The following OTOF variants were observed in gnomAD, a reference collection of about 807,000 sequenced individuals.
The protein encoded by OTOF is otoferlin.
A neutral mutation model predicts 236.8 loss-of-function variants in OTOF; 218 were observed. The observed-to-expected ratio is 0.92, with a 90% CI of 0.82 to 1.03. The LOEUF (loss-of-function observed/expected upper bound fraction) is 1.03. Among genes scored for constraint, OTOF ranks in the 50% least tolerant of loss-of-function variants. The pLI is 0.00. For synonymous variants in OTOF, 1,041 were observed against 1,072.5 expected, an observed-to-expected ratio of 0.97 and a Z score of 0.57; for missense variants, 2,590 against 2,694.4, an observed-to-expected ratio of 0.96 and a Z score of 0.86.
chr2:26,467,540 CA>C (rs1207039010), intron 33 of OTOF, 39 bp from the exon 34 acceptor site: 1 of 1,604,888 alleles, frequency 6.2e-7, no homozygotes, highest in South Asian at 1.1e-5. Context: ...CAGAAATGAG[CA>C]GAGCAGGAAG....
intron 6 of OTOF, 27 bp from the exon 7 acceptor site, chr2:26,502,453 T>G: frequency 6.2e-7 from 1 of 1,607,294 alleles, no homozygotes; most frequent in Non-Finnish European, 8.5e-7. Flanking sequence ...ACTGGTTAGG[T>G]GGGCTGACTG....
chr2:26,488,784 G>T (rs1461714953), intron 11 of OTOF, among the ~76,000 whole-genome samples: 3 of 152,320 alleles, frequency 2.0e-5, no homozygotes, highest in Non-Finnish European at 2.9e-5. Flanking sequence ...GTGGAAAGGG[G>T]TTCTTTTCTG....
intron 12 of OTOF, 64 bp from the exon 13 acceptor site, chr2:26,483,712 T>G: frequency 6.9e-7 from 1 of 1,438,938 alleles, no homozygotes; most frequent in Non-Finnish European, 9.7e-7. Flanking sequence ...CATCCTGGCA[T>G]CTACACACTC....
Position 26,463,492 on chromosome 2 carries a change from T to G in OTOF, c.5183A>C (p.Lys1728Thr). 6.2e-7 allele frequency: 1 copy of G among 1,603,866 alleles called. No homozygotes were observed. The part of the protein sequence containing the change: ...PGTPLDISPR[K>T]PKKYELRVII... ...GCCCCAGGCCGCTCACTTCTTGGGCTTCCGAGGTGAGATGTCCAGAGGCGT... is the reference window on the plus strand; with the variant it reads ...GCCCCAGGCCGCTCACTTCTTGGGCGTCCGAGGTGAGATGTCCAGAGGCGT... The change falls in exon 41 of 47, where the codon AAG becomes ACG. Residue 1728 changes from lysine to threonine, a missense_variant. Around this residue, in one of 2 missense-constraint regions of OTOF, gnomAD observed 1,211 missense variants for 1,352.8 expected, o/e 0.90. Transcript: ENST00000272371.
At chr2:26,494,860 C>G in intron 9 of OTOF, 82 bp downstream of exon 9, 1 of 1,542,856 alleles carries the variant, frequency 6.5e-7, no homozygotes, top group Admixed American at 1.7e-5. Context: ...TGACTTCCAG[C>G]CACTCCTATT....
intron 13 of OTOF, among the ~76,000 whole-genome samples, chr2:26,483,101 A>G (rs1169767182): frequency 8.3e-6 from 1 of 121,116 alleles, no homozygotes; most frequent in African/African-American, 3.2e-5. Context: ...GTGTGTGTGT[A>G]TTCGTGGGTG....
intron 2 of OTOF, among the ~76,000 whole-genome samples, chr2:26,537,421 AC>A (rs1667097488): frequency 6.6e-6 from 1 of 152,104 alleles, no homozygotes; most frequent in African/African-American, 2.4e-5. Flanking sequence ...CTCTTTCTCC[AC>A]AGGGAATAAC....
At chr2:26,489,584 T>C in intron 10 of OTOF, 94 bp downstream of exon 10, 1 of 1,060,880 alleles carries the variant, frequency 9.4e-7, no homozygotes. Flanking sequence ...TGCCTCTTTA[T>C]CATGGGTCTA....
Position 26,527,845 on chromosome 2 carries a change from C to G in OTOF, c.214G>C (p.Val72Leu). ...TCCCACACTTACTTGTTGCTGAAGA[C>G]TTTGCTGTAGTTGAAAACCTGAATC... ...LEIQVFNYSK[V>L]FSNKLIGTFR... The change falls in exon 3 of 47, where the codon GTC becomes CTC. Residue 72 changes from valine to leucine, a missense_variant. By Grantham distance (32) the Val-to-Leu change is conservative (BLOSUM62 1). Around this residue, in one of 2 missense-constraint regions of OTOF, gnomAD observed 1,379 missense variants for 1,341.6 expected, o/e 1.03. Coordinates refer to ENST00000272371, the MANE Select transcript of OTOF (RefSeq NM_194248.3). 2 of 1,613,322 alleles carry G rather than the reference C, an allele frequency of 1.2e-6. No individual in the cohort carries two copies. Among genetic ancestry groups the G allele is most frequent in the Non-Finnish European group, 1.7e-6 (2 of 1,179,248 alleles).
chr2:26,525,680 TGGATGGAAGAATGAAA>T lies in OTOF; in HGVS notation c.227+2136_227+2151del. 2.0e-5 allele frequency among the ~76,000 whole-genome samples: 3 copies of T among 152,094 alleles called. No homozygotes were observed. The South Asian group carries it at 6.2e-4, about 32-fold the overall frequency. ...GTGAAAAGATGGATGGATGGATGAA[TGGATGGAAGAATGAAA>T]GGATGGATGAATGGATGGAAGGAAG... On this transcript the variant is annotated intron_variant, in intron 3 of 46. Transcript: ENST00000272371.
At chr2:26,515,383 C>T (rs1007418165) in intron 5 of OTOF, among the ~76,000 whole-genome samples, 8 of 151,652 alleles carry the variant, frequency 5.3e-5, no homozygotes, top group African/African-American at 1.9e-4. Flanking sequence ...ACTCATCTGG[C>T]TCCCAGGGTT....
At chr2:26,489,099 C>T (rs1665770355) in intron 11 of OTOF, 112 bp downstream of exon 11, 5 of 777,528 alleles carry the variant, frequency 6.4e-6, no homozygotes, top group Non-Finnish European at 1.1e-5. Flanking sequence ...AGTCGCCAGA[C>T]TGTGGTCCTT....
Position 26,499,294 on chromosome 2 carries a change from G to A in OTOF, c.765+2460C>T, listed in dbSNP as rs369699778. Among the ~76,000 whole-genome samples, 232 of 152,172 alleles carry A rather than the reference G, an allele frequency of 1.5e-3. 1 individual carries two copies. Among genetic ancestry groups the A allele is most frequent in the Non-Finnish European group, 2.3e-3 (159 of 67,994 alleles). Reference sequence around the variant, plus strand: ...TGGAAGAAACAAAGAGCATGGGTACGCCGCGGTCCTTTTACCTCCAGGCTT... The same window carrying A: ...TGGAAGAAACAAAGAGCATGGGTACACCGCGGTCCTTTTACCTCCAGGCTT... On this transcript the variant is annotated intron_variant, in intron 8 of 46. Transcript: ENST00000272371.
At chr2:26,516,687 G>A in intron 4 of OTOF, 88 bp from the exon 5 acceptor site, 2 of 1,384,248 alleles carry the variant, frequency 1.4e-6, no homozygotes, top group Middle Eastern at 2.0e-4. Flanking sequence ...TGTTTACACA[G>A]CGCTTCCACA....
At chr2:26,552,091 TA>T (rs70950198) in intron 1 of OTOF, among the ~76,000 whole-genome samples, 3,825 of 141,160 alleles carry the variant, frequency 0.027, 166 homozygotes, top group African/African-American at 0.089. Context: ...TATAAAAAGT[TA>T]AAAAAAAAAA....
chr2:26,514,593 T>G (rs1317663235), intron 5 of OTOF, among the ~76,000 whole-genome samples: 1 of 152,218 alleles, frequency 6.6e-6, no homozygotes, highest in Admixed American at 6.5e-5. Flanking sequence ...CCCATGGATG[T>G]GACCCACAGG....
rs1665335178 is a variant in OTOF, at chr2:26,477,017, G to A, written c.2550C>T (p.Phe850=). 1 of 1,587,728 alleles carries A rather than the reference G, an allele frequency of 6.3e-7. No individual in the cohort carries two copies. Among genetic ancestry groups the A allele is most frequent in the East Asian group, 2.3e-5 (1 of 44,432 alleles). ...DEPQHSIPDI[F]IWMMSNNKRV... is the part of the protein sequence containing the mutation. ...GCTTGTTGTTGCTCATCATCCAGAT[G>A]AAGATGTCGGGAATGCTGTGCTGGG... Residue 850 remains phenylalanine (F), a synonymous_variant, in exon 22 of 47, where the codon TTC becomes TTT. Transcript: ENST00000272371. The surrounding 1 kb of genome is among the most constrained non-coding windows in gnomAD (Gnocchi z 4.7).
chr2:26,502,889 A>C (rs1481669537), intron 6 of OTOF, among the ~76,000 whole-genome samples: 2 of 152,222 alleles, frequency 1.3e-5, no homozygotes, highest in African/African-American at 4.8e-5. Flanking sequence ...AGGCTTAGGA[A>C]GTAACTTATC....
chr2:26,489,236 G>A lies in OTOF; in HGVS notation c.1020C>T (p.Asp340=), dbSNP rs138250704. The change falls in exon 11 of 47, where the codon GAC becomes GAT. Residue 340 remains aspartate (D), a synonymous_variant. Transcript: ENST00000272371. ...SGTLVGSFKM[D]VGTVYSQPEH... is the part of the protein sequence containing the mutation. ...CTGGCTGCGAGTACACGGTTCCCAC[G>A]TCCATTTTGAAGGAGCCCACCAGGG... is the stretch of plus-strand genomic sequence containing the variant. 1.0e-4 allele frequency: 162 copies of A among 1,612,650 alleles called. No homozygotes were observed. In the African/African-American group the frequency reaches 1.5e-3, roughly 15 times the overall value.
Sources: gnomAD v4.1 joint callset for allele counts (sites outside exome capture counted in the v4.1 genomes callset) on GRCh38, gnomAD v4.1.1 for gene constraint, gnomAD v4.1.1 regional missense constraint, Gnocchi (gnomAD v3.1) non-coding constraint, MANE v1.5 for transcripts, NCBI Gene and HGNC (gene_info 2026-07-23, HGNC 2026-07-21) for gene names.